Variants in CDADC1 observed in about 807,000 individuals in gnomAD.
CDADC1 encodes cytidine and dCMP deaminase domain containing 1.
In CDADC1, 39 loss-of-function variants were observed where a neutral mutation model predicts 54.9. The ratio of observed to expected loss-of-function variants is 0.71; its 90% CI spans 0.55 to 0.93. The LOEUF is 0.93. Among genes scored for constraint, CDADC1 ranks in the 40% least tolerant of loss-of-function variants. CDADC1 has a pLI of 0.00. For synonymous variants in CDADC1, 186 were observed against 204.0 expected (o/e 0.91, Z 0.75); for missense variants, 518 against 618.8 (o/e 0.84, Z 1.73).
At chr13:49,248,725 A>G (rs1952353839) in intron 1 of CDADC1, 146 bp from the exon 2 acceptor site, 2 of 654,966 alleles carry the variant, frequency 3.1e-6, no homozygotes, top group Admixed American at 4.8e-5. Flanking sequence ...CTGCTAAGAT[A>G]CCTCTGACTC....
chr13:49,288,449 T>C (rs1237371927), intron 9 of CDADC1, among the ~76,000 whole-genome samples: 1 of 152,200 alleles, frequency 6.6e-6, no homozygotes, highest in African/African-American at 2.4e-5. Context: ...TCATGCCTAT[T>C]TGCAGTCACT....
rs752257540 is a variant in CDADC1 at position 49,286,251 on chromosome 13, T to A, written c.1440T>A (p.Gly480=). The A allele has an allele frequency of 6.2e-7, 1 of 1,613,778 alleles. No individual in the cohort carries two copies. The highest frequency in any genetic ancestry group is 8.5e-7 in the Non-Finnish European group (1 of 1,179,668). ...TWQLNPSGAY[G]LEQNEPERRE... The stretch of plus-strand genomic sequence containing the variant: ...AGCTGAATCCATCAGGAGCTTATGG[T>A]CTTGAACAAAATGAGCCTGAAAGGA... Residue 480 remains glycine, a synonymous_variant, in exon 9 of 10, where the codon GGT becomes GGA. Coordinates refer to ENST00000251108, the MANE Select transcript of CDADC1 (RefSeq NM_030911.4).
chr13:49,250,506 A>G (rs781178417), intron 2 of CDADC1, among the ~76,000 whole-genome samples: 3 of 152,216 alleles, frequency 2.0e-5, no homozygotes, highest in African/African-American at 4.8e-5. Flanking sequence ...GCACTGAGAC[A>G]TGAAGGATTA....
At position 49,248,957 on chromosome 13, in the gene CDADC1, A is replaced by T; in HGVS notation, c.169A>T (p.Lys57Ter). ...CTTTCCAGCAGAAGCCCAGCGGCAAAAATCTCAGGTATAATTTGTTTCATA... is the reference window on the plus strand; with the variant it reads ...CTTTCCAGCAGAAGCCCAGCGGCAATAATCTCAGGTATAATTTGTTTCATA... Reference protein sequence around the residue: ...ELFPAEAQRQKSQKNEEGKHG... With the variant: ...ELFPAEAQRQ Residue 57 changes from lysine (K) to a stop codon, truncating the protein, a stop_gained, in exon 2 of 10, where the codon AAA becomes TAA. Transcript: ENST00000251108. LOFTEE classifies it high-confidence loss of function. 6.3e-7 allele frequency: 1 copy of T among 1,598,454 alleles called. No homozygotes were observed. The highest frequency in any genetic ancestry group is 1.7e-5 in the Admixed American group (1 of 59,992).
rs80100213 is a variant in CDADC1, at chr13:49,269,805, G to C, written c.1000+1746G>C. On this transcript the variant is annotated intron_variant, in intron 5 of 9. Transcript: ENST00000251108. ...TCTCATAGAACACCTTATCATACCAGCTGTGATTCCAGTGTTTAAAGACGC... is the reference window on the plus strand; with the variant it reads ...TCTCATAGAACACCTTATCATACCACCTGTGATTCCAGTGTTTAAAGACGC... 9.2e-5 allele frequency among the ~76,000 whole-genome samples: 14 copies of C among 152,264 alleles called. No individual in the cohort carries two copies. The East Asian group carries it at 2.7e-3, about 29-fold the overall frequency.
At position 49,259,447 on chromosome 13, in the gene CDADC1, T is replaced by C; in HGVS notation, c.354T>C (p.His118=). 1 of 1,614,148 alleles carries C rather than the reference T, an allele frequency of 6.2e-7. No homozygotes were observed. ...CCGGGCAGATTGCTCTTATTAAACA[T>C]GGGTCAAGGCTGAAAAACTGTGATC... ...LHAGQIALIK[H]GSRLKNCDLY... Residue 118 remains histidine (H), a synonymous_variant, in exon 4 of 10, where the codon CAT becomes CAC. Coordinates refer to ENST00000251108, the MANE Select transcript of CDADC1 (RefSeq NM_030911.4).
intron 5 of CDADC1, among the ~76,000 whole-genome samples, chr13:49,271,307 AATCTT>A: frequency 6.6e-6 from 1 of 152,284 alleles, no homozygotes; most frequent in East Asian, 1.9e-4. Context: ...AGGCATCAAA[AATCTT>A]ATCTATCTGC....
rs1319044557 is a variant in CDADC1 at position 49,248,118 on chromosome 13, C to A, written c.81C>A (p.Thr27=). The A allele has an allele frequency of 6.4e-7, 1 of 1,551,026 alleles. No homozygotes were observed. Among genetic ancestry groups the A allele is most frequent in the Non-Finnish European group, 8.7e-7 (1 of 1,146,814 alleles). The change falls in exon 1 of 10, where the codon ACC becomes ACA. Residue 27 remains threonine (T), a splice_region_variant and synonymous_variant. Coordinates refer to ENST00000251108, the MANE Select transcript of CDADC1 (RefSeq NM_030911.4). ...TCAGCACCCAGACTGGCAGCATGACCGGTGAGTGTCCGGGACCCTGCTCCC... is the reference window on the plus strand; with the variant it reads ...TCAGCACCCAGACTGGCAGCATGACAGGTGAGTGTCCGGGACCCTGCTCCC... ...RSVSTQTGSM[T]GQIPRLSKVN...
At chr13:49,248,832 T>C in intron 1 of CDADC1, 39 bp from the exon 2 acceptor site, 1 of 1,295,454 alleles carries the variant, frequency 7.7e-7, no homozygotes, top group South Asian at 1.2e-5. Context: ...TTTTCACCAT[T>C]AGTAACAAAG....
At position 49,252,999 on chromosome 13, in the gene CDADC1, A is replaced by G. The variant is rs567893173; in HGVS notation, c.178-2840A>G. Among the ~76,000 whole-genome samples the G allele has an allele frequency of 4.0e-4, 61 of 152,294 alleles. No individual in the cohort carries two copies. In the South Asian group the frequency reaches 0.013, roughly 32 times the overall value. ...TTTTCCAGTATTATTTGCACATGGTATTCTTAGAGTTGAGTACAAACTTTT... is the reference window on the plus strand; with the variant it reads ...TTTTCCAGTATTATTTGCACATGGTGTTCTTAGAGTTGAGTACAAACTTTT... On this transcript the variant is annotated intron_variant, in intron 2 of 9. Transcript: ENST00000251108.
chr13:49,248,194 G>C (rs1174816985), intron 1 of CDADC1, 75 bp downstream of exon 1: 13 of 1,307,906 alleles, frequency 9.9e-6, no homozygotes, highest in Non-Finnish European at 1.3e-5. Context: ...TTGAACTCCA[G>C]ATTCCTTGTC....
At chr13:49,278,091 T>C (rs1291947082) in intron 6 of CDADC1, among the ~76,000 whole-genome samples, 1 of 152,200 alleles carries the variant, frequency 6.6e-6, no homozygotes, top group Non-Finnish European at 1.5e-5. Flanking sequence ...TTAAGTAAGA[T>C]AGTATTTAAT....
At chr13:49,283,997 G>A (rs545397191) in intron 8 of CDADC1, among the ~76,000 whole-genome samples, 1 of 152,292 alleles carries the variant, frequency 6.6e-6, no homozygotes, top group South Asian at 2.1e-4. Flanking sequence ...TTTGGTATTT[G>A]TTTTTAAGAT....
chr13:49,270,183 C>G (rs1352999644), intron 5 of CDADC1, among the ~76,000 whole-genome samples: 3 of 152,146 alleles, frequency 2.0e-5, no homozygotes, highest in African/African-American at 7.2e-5. Flanking sequence ...TTATGCAAAA[C>G]TTTTGGAGCC....
intron 4 of CDADC1, among the ~76,000 whole-genome samples, chr13:49,260,707 G>T (rs1304644069): frequency 6.6e-6 from 1 of 152,132 alleles, no homozygotes; most frequent in Non-Finnish European, 1.5e-5. Context: ...TATGCATCTT[G>T]TTGCATAGGC....
At position 49,293,280 on chromosome 13, in the gene CDADC1, A is replaced by G. The variant is rs983254714; in HGVS notation, c.*1523A>G. Reference sequence around the variant, plus strand: ...ATCAGTAAATATTTTGTAAGACCCAAAATCCTGGCATATTGCCAGGTCTGT... The same window carrying G: ...ATCAGTAAATATTTTGTAAGACCCAGAATCCTGGCATATTGCCAGGTCTGT... On this transcript the variant is annotated 3_prime_UTR_variant, in exon 10 of 10. Coordinates refer to ENST00000251108, the MANE Select transcript of CDADC1 (RefSeq NM_030911.4). 1.3e-5 allele frequency: 2 copies of G among 152,250 alleles called. No individual in the cohort carries two copies. The highest frequency in any genetic ancestry group is 4.8e-5 in the African/African-American group (2 of 41,452). 9.4% of individuals were successfully genotyped at this position (152,250 alleles called of 1,614,324 possible).
chr13:49,257,631 G>A (rs902597848), intron 3 of CDADC1, among the ~76,000 whole-genome samples: 3 of 152,142 alleles, frequency 2.0e-5, no homozygotes, highest in East Asian at 1.9e-4. Context: ...TTAGCCGGGC[G>A]TGGTGGCAGC....
chr13:49,285,543 T>C (rs1001934734), intron 8 of CDADC1, among the ~76,000 whole-genome samples: 2 of 152,158 alleles, frequency 1.3e-5, no homozygotes, highest in African/African-American at 4.8e-5. Context: ...CTCTAGGACC[T>C]GGAGATAGAA....
intron 1 of CDADC1, chr13:49,248,521 C>G (rs1952348194): frequency 6.2e-6 from 2 of 324,000 alleles, no homozygotes; most frequent in African/African-American, 2.1e-5. Context: ...TAGCAACGCC[C>G]CATCACAGTC....
Sources: gnomAD v4.1 joint callset for allele counts (sites outside exome capture counted in the v4.1 genomes callset) on GRCh38, gnomAD v4.1.1 for gene constraint, MANE v1.5 for transcripts, NCBI Gene and HGNC (gene_info 2026-07-23, HGNC 2026-07-21) for gene names.